CNTN4: variants seen among roughly 807,000 people sequenced by gnomAD.
The protein encoded by CNTN4 is contactin-4.
A neutral mutation model predicts 122.5 loss-of-function variants in CNTN4; 77 were observed. The ratio of observed to expected loss-of-function variants is 0.63; its 90% CI spans 0.52 to 0.76. The LOEUF (loss-of-function observed/expected upper bound fraction) is 0.76, where lower values mean the gene tolerates loss of function less well. Ranked by LOEUF, CNTN4 falls within the 30% of genes least tolerant of loss-of-function variation. The pLI is 0.00. For synonymous variants in CNTN4, 512 were observed against 447.0 expected (o/e 1.15, Z -1.83); for missense variants, 1,256 against 1,259.1 (o/e 1.00, Z 0.04).
chr3:2,441,108 T>G (rs1347640687), intron 3 of CNTN4, among the ~76,000 whole-genome samples: 1 of 151,890 alleles, frequency 6.6e-6, no homozygotes, highest in Non-Finnish European at 1.5e-5. Context: ...TACTGTACAT[T>G]TTGGGCACCA....
rs549421948 is a variant in CNTN4 at position 2,922,695 on chromosome 3, C to G, written c.1208-2934C>G. Among the ~76,000 whole-genome samples, 24 of 139,182 alleles carry G rather than the reference C, an allele frequency of 1.7e-4. No homozygotes were observed. The South Asian group carries it at 5.1e-3, about 30-fold the overall frequency. 91.3% of individuals were successfully genotyped at this position (139,182 alleles called of 152,430 possible). ...TGGCACGATCTTGGCTCACTGCAAT[C>G]TCCACCTCCCAGGTTAAAGCGCTTC... On this transcript the variant is annotated intron_variant, in intron 12 of 24. Transcript: ENST00000418658.
chr3:2,823,949 A>C (rs899389875), intron 7 of CNTN4, among the ~76,000 whole-genome samples: 14 of 152,140 alleles, frequency 9.2e-5, no homozygotes, highest in Non-Finnish European at 1.5e-5. Flanking sequence ...TGGAACTTGC[A>C]TTTTAATAAG....
chr3:3,027,358 G>T (rs1239372571), intron 15 of CNTN4, among the ~76,000 whole-genome samples: 4 of 152,178 alleles, frequency 2.6e-5, no homozygotes, highest in African/African-American at 9.7e-5. Context: ...GTTCACTAGG[G>T]ATTATCTCTT....
At chr3:2,797,160 C>T (rs969956008) in intron 6 of CNTN4, among the ~76,000 whole-genome samples, 3 of 152,108 alleles carry the variant, frequency 2.0e-5, no homozygotes, top group Admixed American at 1.3e-4. Context: ...ACCACCATGC[C>T]CAACTAATTT....
intron 4 of CNTN4, among the ~76,000 whole-genome samples, chr3:2,579,738 A>C (rs2149553032): frequency 6.6e-6 from 1 of 152,318 alleles, no homozygotes; most frequent in South Asian, 2.1e-4. Context: ...TTAACTTAGA[A>C]CTAAGCTATT....
At chr3:2,718,224 A>C (rs1467701337) in intron 4 of CNTN4, among the ~76,000 whole-genome samples, 11 of 149,590 alleles carry the variant, frequency 7.4e-5, no homozygotes, top group Admixed American at 6.6e-4. Context: ...CACCATATGC[A>C]TACATTTTCT....
intron 2 of CNTN4, among the ~76,000 whole-genome samples, chr3:2,126,232 A>C (rs1186188192): frequency 1.3e-5 from 2 of 152,170 alleles, no homozygotes; most frequent in African/African-American, 4.8e-5. Flanking sequence ...GGGAAATTAA[A>C]AAATAAATCT....
intron 2 of CNTN4, among the ~76,000 whole-genome samples, chr3:2,117,090 G>A (rs937508378): frequency 6.6e-6 from 1 of 152,164 alleles, no homozygotes. Context: ...CAGAGGTTGA[G>A]GGCTCAGTCC....
chr3:3,019,845 A>G (rs1297216004), intron 14 of CNTN4, among the ~76,000 whole-genome samples: 2 of 149,392 alleles, frequency 1.3e-5, no homozygotes, highest in Middle Eastern at 3.5e-3. Flanking sequence ...CATATATTGT[A>G]TATGGGGGAG....
intron 4 of CNTN4, among the ~76,000 whole-genome samples, chr3:2,667,411 A>G (rs562664467): frequency 1.3e-5 from 2 of 152,112 alleles, no homozygotes; most frequent in East Asian, 3.9e-4. Flanking sequence ...GTCTGTTCAT[A>G]TCCTTTGCCC....
At position 2,925,672 on chromosome 3, in the gene CNTN4, T is replaced by G. The variant is rs1469406552; in HGVS notation, c.1251T>G (p.Thr417=). Residue 417 remains threonine, a synonymous_variant, in exon 13 of 25, where the codon ACT becomes ACG. Coordinates refer to ENST00000418658, the MANE Select transcript of CNTN4 (RefSeq NM_175607.3). ...CAAGAACACTCTTGAAAAGAGTAAC[T>G]CTTGTCAAAGTGGGAGGTGAAGTTG... ...DFSRTLLKRV[T]LVKVGGEVVI... 6.2e-7 allele frequency: 1 copy of G among 1,614,096 alleles called. No individual in the cohort carries two copies. The highest frequency in any genetic ancestry group is 1.1e-5 in the South Asian group (1 of 91,090).
intron 2 of CNTN4, among the ~76,000 whole-genome samples, chr3:2,260,859 C>G (rs1409216853): frequency 6.6e-6 from 1 of 151,656 alleles, no homozygotes; most frequent in Non-Finnish European, 1.5e-5. Context: ...TCCTGAGTAG[C>G]TGGGATTACA....
intron 4 of CNTN4, among the ~76,000 whole-genome samples, chr3:2,664,862 G>A (rs548864963): frequency 7.6e-4 from 115 of 152,230 alleles, no homozygotes; most frequent in African/African-American, 2.7e-3. Context: ...AACTTTCTTT[G>A]GAAGAAAGAT....
chr3:2,594,772 G>A (rs1444441888), intron 4 of CNTN4, among the ~76,000 whole-genome samples: 1 of 135,570 alleles, frequency 7.4e-6, no homozygotes, highest in African/African-American at 2.8e-5. Context: ...AAATGTGTAT[G>A]TGTGTTTGTT....
At chr3:2,261,471 A>G (rs1422036638) in intron 2 of CNTN4, among the ~76,000 whole-genome samples, 2 of 152,122 alleles carry the variant, frequency 1.3e-5, no homozygotes, top group African/African-American at 4.8e-5. Flanking sequence ...TATTTATGTG[A>G]TAGGCTTTGG....
intron 3 of CNTN4, among the ~76,000 whole-genome samples, chr3:2,401,447 G>A (rs538578191): frequency 6.6e-6 from 1 of 152,064 alleles, no homozygotes; most frequent in Admixed American, 6.6e-5. Context: ...CTATTTTGGA[G>A]CATCAGTCTA....
intron 3 of CNTN4, among the ~76,000 whole-genome samples, chr3:2,522,229 C>A (rs1212827677): frequency 2.7e-5 from 4 of 150,938 alleles, no homozygotes; most frequent in Non-Finnish European, 5.9e-5. Context: ...ACTACCAGTA[C>A]AATATGCTTT....
At chr3:2,320,276 G>A (rs552975363) in intron 2 of CNTN4, among the ~76,000 whole-genome samples, 1 of 152,242 alleles carries the variant, frequency 6.6e-6, no homozygotes, top group African/African-American at 2.4e-5. Flanking sequence ...ACTTAGATGT[G>A]TTAATGTTAT....
rs116031729 is a variant in CNTN4 at position 2,712,957 on chromosome 3, C to T, written c.56-23258C>T. 7.6e-3 allele frequency among the ~76,000 whole-genome samples: 1,151 copies of T among 152,320 alleles called. 12 individuals are homozygous for T. The highest frequency in any genetic ancestry group is 0.025 in the African/African-American group (1,055 of 41,578). On this transcript the variant is annotated intron_variant, in intron 4 of 24. Transcript: ENST00000418658. ...CACGCCCCTTCCCCAATACCTCGCC[C>T]TATGCATGCCTTCATCTGTATCCTT...
Sources: gnomAD v4.1 joint callset for allele counts (sites outside exome capture counted in the v4.1 genomes callset) on GRCh38, gnomAD v4.1.1 for gene constraint, MANE v1.5 for transcripts, NCBI Gene and HGNC (gene_info 2026-07-23, HGNC 2026-07-21) for gene names.